The following SERPINC1 variants were observed in gnomAD, a reference collection of about 807,000 sequenced individuals.
SERPINC1 encodes antithrombin-III.
A neutral mutation model predicts 43.4 loss-of-function variants in SERPINC1; 12 were observed. That is an observed-to-expected ratio of 0.28 (90% confidence interval 0.18 to 0.45). The LOEUF (loss-of-function observed/expected upper bound fraction) is 0.45. Among genes scored for constraint, SERPINC1 ranks in the 20% least tolerant of loss-of-function variants. The pLI is 1.00. For missense variants in SERPINC1, 423 were observed against 578.8 expected, an observed-to-expected ratio of 0.73 and a Z score of 2.76; for synonymous variants, 210 against 218.9, an observed-to-expected ratio of 0.96 and a Z score of 0.36.
chr1:173,915,054 C>T, intron 1 of SERPINC1, 135 bp from the exon 2 acceptor site: 3 of 1,527,468 alleles, frequency 2.0e-6, no homozygotes, highest in Non-Finnish European at 2.6e-6. Context: ...TCCTTTGAAC[C>T]AAGTACAGGG....
At position 173,914,836 on chromosome 1, in the gene SERPINC1, G is replaced by T; in HGVS notation, c.125C>A (p.Ala42Asp). Residue 42 changes from alanine to aspartate, a missense_variant, in exon 2 of 7, where the codon GCC becomes GAC. Transcript: ENST00000367698. ...CHGSPVDICT[A>D]KPRDIPMNPM... ...ATTCATGGGAATGTCCCGCGGCTTGGCTGTGCAGATGTCCACAGGGCTCCC... is the reference window on the plus strand; with the variant it reads ...ATTCATGGGAATGTCCCGCGGCTTGTCTGTGCAGATGTCCACAGGGCTCCC... The T allele has an allele frequency of 6.2e-7, 1 of 1,614,202 alleles. No individual in the cohort carries two copies. Among genetic ancestry groups the T allele is most frequent in the South Asian group, 1.1e-5 (1 of 91,076 alleles).
chr1:173,916,478 G>A (rs953239633), intron 1 of SERPINC1, among the ~76,000 whole-genome samples: 4 of 152,188 alleles, frequency 2.6e-5, no homozygotes, highest in African/African-American at 7.2e-5. Flanking sequence ...GAGAAGCAGC[G>A]GCACCAAGGG....
In SERPINC1 at chr1:173,914,937, G is replaced by A. The variant is rs2227599; in HGVS notation, c.42-18C>T. On this transcript the variant is annotated intron_variant, in intron 1 of 6. Transcript: ENST00000367698. ...AAACCTTCCTGCAAGGAGACAAAAT[G>A]CCAAGTTAAGCTAGGCTGCAACCCC... is the stretch of plus-strand genomic sequence containing the variant. The A allele has an allele frequency of 4.4e-3, 7,078 of 1,609,394 alleles. 277 individuals carry two copies. The African/African-American group carries it at 0.083, about 19-fold the overall frequency.
At chr1:173,912,844 G>T (rs910947728) in intron 2 of SERPINC1, among the ~76,000 whole-genome samples, 1 of 152,166 alleles carries the variant, frequency 6.6e-6, no homozygotes, top group Non-Finnish European at 1.5e-5. Flanking sequence ...GTTCTGTTCT[G>T]TTCTTCTTGT....
intron 2 of SERPINC1, 63 bp downstream of exon 2, chr1:173,914,490 G>T: frequency 6.2e-7 from 1 of 1,603,334 alleles, no homozygotes; most frequent in East Asian, 2.2e-5. Flanking sequence ...ATTGGACTTG[G>T]GCCTATGGAA....
chr1:173,914,510 G>GTGCT, intron 2 of SERPINC1, 43 bp downstream of exon 2: 1 of 1,612,788 alleles, frequency 6.2e-7, no homozygotes, highest in Non-Finnish European at 8.5e-7. Context: ...AGCCCCAAAG[G>GTGCT]TGCTCCTAAC....
chr1:173,915,241 TA>T, intron 1 of SERPINC1: 7 of 1,200,128 alleles, frequency 5.8e-6, no homozygotes, highest in Non-Finnish European at 6.3e-6. Context: ...TGTGCATGCC[TA>T]AAAAATCGGC....
rs928383978 is a variant in SERPINC1 at position 173,915,068 on chromosome 1, C to A, written c.42-149G>T. 7.3e-6 allele frequency: 11 copies of A among 1,514,922 alleles called. No individual in the cohort carries two copies. In the African/African-American group the frequency reaches 1.4e-4, roughly 19 times the overall value. 93.8% of individuals were successfully genotyped at this position (1,514,922 alleles called of 1,614,324 possible). ...ATCCTTTGAACCAAGTACAGGGGCC[C>A]GGGACAGGTTCAGTCCTAGACTTCT... On this transcript the variant is annotated intron_variant, in intron 1 of 6. Transcript: ENST00000367698.
At chr1:173,914,430 G>T (rs1012705302) in intron 2 of SERPINC1, 123 bp downstream of exon 2, 55 of 1,050,848 alleles carry the variant, frequency 5.2e-5, no homozygotes, top group Non-Finnish European at 7.4e-5. Flanking sequence ...AAAGGGAATC[G>T]TAATGCATAA....
intron 2 of SERPINC1, among the ~76,000 whole-genome samples, chr1:173,913,498 C>T (rs1014588378): frequency 2.0e-5 from 3 of 151,630 alleles, no homozygotes; most frequent in East Asian, 1.9e-4. Flanking sequence ...TCCTAGGCCC[C>T]GTGCAGTGGC....
rs1446489329 is a variant in SERPINC1, at chr1:173,911,827, C to G, written c.596G>C (p.Gly199Ala). Residue 199 changes from glycine (G) to alanine (A), a missense_variant, in exon 3 of 7, where the codon GGA becomes GCA. Coordinates refer to ENST00000367698, the MANE Select transcript of SERPINC1 (RefSeq NM_000488.4). ...TYQDISELVY[G>A]AKLQPLDFKE... ...GAAGTCCAGGGGCTGGAGCTTGGCT[C>G]CATATACCAACTCACTGATGTCCTG... 1 of 1,613,994 alleles carries G rather than the reference C, an allele frequency of 6.2e-7. No individual in the cohort carries two copies. The highest frequency in any genetic ancestry group is 1.7e-5 in the Admixed American group (1 of 59,990).
At position 173,917,297 on chromosome 1, in the gene SERPINC1, A is replaced by C; in HGVS notation, c.-38T>G. ...TCCACAGGGCTGGGCAAGTGGAGAT[A>C]GTGTGATCTGAGGCAATCCGCCTGA... is the stretch of plus-strand genomic sequence containing the variant. On this transcript the variant is annotated 5_prime_UTR_variant, in exon 1 of 7. Transcript: ENST00000367698. The C allele has an allele frequency of 3.1e-6, 5 of 1,602,528 alleles. No individual in the cohort carries two copies. Among genetic ancestry groups the C allele is most frequent in the Non-Finnish European group, 4.3e-6 (5 of 1,169,606 alleles).
At chr1:173,905,794 A>G (rs530812125) in intron 6 of SERPINC1, among the ~76,000 whole-genome samples, 1 of 152,276 alleles carries the variant, frequency 6.6e-6, no homozygotes, top group South Asian at 2.1e-4. Context: ...AAACCTAATG[A>G]GCATTGCCTT....
At chr1:173,916,035 C>T (rs1009368047) in intron 1 of SERPINC1, among the ~76,000 whole-genome samples, 2 of 152,102 alleles carry the variant, frequency 1.3e-5, no homozygotes, top group Non-Finnish European at 2.9e-5. Flanking sequence ...CCAGTTATTG[C>T]CACTGCTTTA....
intron 5 of SERPINC1, among the ~76,000 whole-genome samples, chr1:173,907,924 T>G (rs1022811980): frequency 6.6e-6 from 1 of 150,842 alleles, no homozygotes. Context: ...GAGGTTGCAG[T>G]GAGCCAAGAT....
At chr1:173,913,377 T>G (rs1333285573) in intron 2 of SERPINC1, among the ~76,000 whole-genome samples, 1 of 151,904 alleles carries the variant, frequency 6.6e-6, no homozygotes, top group Non-Finnish European at 1.5e-5. Context: ...GGGAAGGGGG[T>G]GGGAACTAAG....
At chr1:173,907,120 A>G (rs948117831) in intron 6 of SERPINC1, among the ~76,000 whole-genome samples, 4 of 151,630 alleles carry the variant, frequency 2.6e-5, no homozygotes, top group African/African-American at 9.7e-5. Flanking sequence ...TCTGTCTCAA[A>G]AAAAAAAAAA....
Position 173,914,861 on chromosome 1 carries a change from C to T in SERPINC1, c.100G>A (p.Gly34Arg), listed in dbSNP as rs773254902. 24 of 1,614,048 alleles carry T rather than the reference C, an allele frequency of 1.5e-5. No individual in the cohort carries two copies. The highest frequency in any genetic ancestry group is 5.0e-5 in the Admixed American group (3 of 60,006). The change falls in exon 2 of 7, where the codon GGG (glycine) becomes AGG (arginine). Residue 34 changes from glycine (G) to arginine (R), a missense_variant. Gly to Arg is a moderately radical substitution (Grantham distance 125). Transcript: ENST00000367698. ...IGFWDCVTCHGSPVDICTAKP... is the reference protein window; with the variant it reads ...IGFWDCVTCHRSPVDICTAKP... Reference sequence around the variant, plus strand: ...GCTGTGCAGATGTCCACAGGGCTCCCGTGACAGGTCACGCAGTCCCAGAAG... The same window carrying T: ...GCTGTGCAGATGTCCACAGGGCTCCTGTGACAGGTCACGCAGTCCCAGAAG...
intron 2 of SERPINC1, 33 bp downstream of exon 2, chr1:173,914,520 C>G (rs1388275936): frequency 1.2e-6 from 2 of 1,613,224 alleles, no homozygotes; most frequent in East Asian, 2.2e-5. Flanking sequence ...GTGCTCCTAA[C>G]AAGGTGGCTG....
Sources: allele counts gnomAD v4.1 joint callset (sites outside exome capture counted in the v4.1 genomes callset), GRCh38; gene constraint gnomAD v4.1.1; transcripts MANE v1.5; gene names NCBI Gene and HGNC (gene_info 2026-07-23, HGNC 2026-07-21).